FLNC: variants seen among roughly 807,000 people sequenced by gnomAD.
The protein encoded by FLNC is filamin-C.
In FLNC, 91 loss-of-function variants were observed where a neutral mutation model predicts 254.3. The ratio of observed to expected loss-of-function variants is 0.36; its 90% CI spans 0.30 to 0.43. The LOEUF (loss-of-function observed/expected upper bound fraction) is 0.43. FLNC is among the 20% of genes least tolerant of loss of function. The probability of loss-of-function intolerance (pLI) is 1.00; values close to 1 mark genes in which losing one functional copy is unlikely to be tolerated. For missense variants in FLNC, 2,853 were observed against 3,802.6 expected, an observed-to-expected ratio of 0.75 and a Z score of 6.57; for synonymous variants, 1,430 against 1,577.2, an observed-to-expected ratio of 0.91 and a Z score of 2.21.
Position 128,854,089 on chromosome 7 carries a change from G to A in FLNC, c.6600G>A (p.Glu2200=). ...RTEISKTRGG[E]TKREVRVEES... Reference sequence around the variant, plus strand: ...AGATCAGCAAGACGCGGGGCGGGGAGACAAAGCGCGAGGTGCGGGTGGAGG... The same window carrying A: ...AGATCAGCAAGACGCGGGGCGGGGAAACAAAGCGCGAGGTGCGGGTGGAGG... Residue 2200 remains glutamate, a synonymous_variant, in exon 40 of 48, where the codon GAG becomes GAA. Transcript: ENST00000325888. 3 of 1,613,088 alleles carry A rather than the reference G, an allele frequency of 1.9e-6. No homozygotes were observed. Among genetic ancestry groups the A allele is most frequent in the Non-Finnish European group, 1.7e-6 (2 of 1,179,954 alleles).
chr7:128,838,837 T>G (rs771067755), intron 8 of FLNC, 34 bp downstream of exon 8: 70 of 1,597,268 alleles, frequency 4.4e-5, no homozygotes, highest in Admixed American at 2.2e-4. Context: ...ACGGTAGCCC[T>G]TACCAAAGCC....
rs1004445854 is a variant in FLNC at position 128,830,425 on chromosome 7, C to G, written c.-213C>G. 1.9e-5 allele frequency: 11 copies of G among 584,548 alleles called. No homozygotes were observed. The African/African-American group carries it at 2.2e-4, about 11-fold the overall frequency. 36.2% of individuals were successfully genotyped at this position (584,548 alleles called of 1,614,324 possible). On this transcript the variant is annotated 5_prime_UTR_variant, in exon 1 of 48. Transcript: ENST00000325888. ...CAGCCCGCCCTTCCCGAGCACCGCTCCGGCCCTGGAGGGAGAGAGAGCCAG... is the reference window on the plus strand; with the variant it reads ...CAGCCCGCCCTTCCCGAGCACCGCTGCGGCCCTGGAGGGAGAGAGAGCCAG...
At chr7:128,845,809 C>T (rs1354672265) in intron 21 of FLNC, among the ~76,000 whole-genome samples, 181 bp from the exon 22 acceptor site, 2 of 133,946 alleles carry the variant, frequency 1.5e-5, no homozygotes, top group Middle Eastern at 3.8e-3. Flanking sequence ...GGCCCAGGCT[C>T]CGATTAGAGG....
chr7:128,858,057 G>A lies in FLNC; in HGVS notation c.7830G>A (p.Leu2610=). The change falls in exon 47 of 48, where the codon CTG becomes CTA. Residue 2610 remains leucine, a synonymous_variant. Coordinates refer to ENST00000325888, the MANE Select transcript of FLNC (RefSeq NM_001458.5). The surrounding 1 kb of genome is among the most constrained non-coding windows in gnomAD (Gnocchi z 6.7). ...GHSLHETSTV[L]VETVTKSSSS... ...GCCTTCACGAAACATCCACGGTTCTGGTGGAGACTGTGACCAAGTCCTCCT... is the reference window on the plus strand; with the variant it reads ...GCCTTCACGAAACATCCACGGTTCTAGTGGAGACTGTGACCAAGTCCTCCT... The A allele has an allele frequency of 6.2e-7, 1 of 1,608,532 alleles. No homozygotes were observed.
rs374683306 is a variant in FLNC, at chr7:128,848,642, C to T, written c.4662C>T (p.Ile1554=). ...GCCCAGGCCTCAACGCCTCTGGCAT[C>T]CCTGCCAGCCTGCCTGTGGAGTTCA... is the stretch of plus-strand genomic sequence containing the variant. The part of the protein sequence containing the change: ...ASGPGLNASG[I]PASLPVEFTI... The change falls in exon 27 of 48, where the codon ATC becomes ATT. Residue 1554 remains isoleucine (I), a synonymous_variant. Coordinates refer to ENST00000325888, the MANE Select transcript of FLNC (RefSeq NM_001458.5). The T allele has an allele frequency of 1.7e-5, 27 of 1,613,490 alleles. No individual in the cohort carries two copies. Among genetic ancestry groups the T allele is most frequent in the Non-Finnish European group, 2.2e-5 (26 of 1,179,988 alleles).
intron 7 of FLNC, 63 bp downstream of exon 7, chr7:128,838,492 G>C (rs771914549): frequency 1.8e-4 from 285 of 1,598,900 alleles, no homozygotes; most frequent in Non-Finnish European, 2.4e-4. Context: ...GTGTGGGGGT[G>C]GGGGGAGGCT....
At chr7:128,850,727 A>C in intron 32 of FLNC, 76 bp from the exon 33 acceptor site, 2 of 1,603,680 alleles carry the variant, frequency 1.2e-6, no homozygotes, top group Non-Finnish European at 1.7e-6. Flanking sequence ...AGAAGCACTC[A>C]GGACCAGGCC....
At chr7:128,850,151 A>G (rs1457700838) in intron 31 of FLNC, 77 bp downstream of exon 31, 4 of 1,281,222 alleles carry the variant, frequency 3.1e-6, no homozygotes, top group Non-Finnish European at 4.4e-6. Context: ...CTCTGCAGCC[A>G]GGGCGGGGAC....
In FLNC at chr7:128,843,179, C is replaced by T. The variant is rs377548360; in HGVS notation, c.2551-50C>T. On this transcript the variant is annotated intron_variant, in intron 16 of 47. Coordinates refer to ENST00000325888, the MANE Select transcript of FLNC (RefSeq NM_001458.5). ...TCCTGAGCCAGCATCTAGCTGAGAG[C>T]AGGGGTGTGTTCCCCTCGAGAGCCC... The T allele has an allele frequency of 4.0e-6, 6 of 1,502,732 alleles. No individual in the cohort carries two copies. The African/African-American group carries it at 6.9e-5, about 17-fold the overall frequency. 93.1% of individuals were successfully genotyped at this position (1,502,732 alleles called of 1,614,324 possible).
At position 128,844,661 on chromosome 7, in the gene FLNC, TGTGCTTATGGCCCGGGTCTCAAGG is replaced by T; in HGVS notation, c.3200_3223del (p.Ala1067_Gly1074del). The T allele has an allele frequency of 6.2e-7, 1 of 1,611,616 alleles. No individual in the cohort carries two copies. ...CACAACCTGCCTCTTCCCCTAGGTC[TGTGCTTATGGCCCGGGTCTCAAGG>T]GTGGACTGGTAGGCACCCCCGCGCC... On this transcript the variant is annotated inframe_deletion, in exon 21 of 48. Coordinates refer to ENST00000325888, the MANE Select transcript of FLNC (RefSeq NM_001458.5).
rs368473600 is a variant in FLNC, at chr7:128,841,560, A to C, written c.2114A>C (p.Tyr705Ser). Residue 705 changes from tyrosine to serine, a missense_variant, in exon 13 of 48, where the codon TAT becomes TCT. By Grantham distance (144) the Tyr-to-Ser change is moderately radical. Transcript: ENST00000325888. The surrounding 1 kb of genome is among the most constrained non-coding windows in gnomAD (Gnocchi z 4.3). Reference sequence around the variant, plus strand: ...GCTGGCAAGGGAGACCTGAAGCTCTATGCCCAGGTAGGTCATTGTCCAGTC... The same window carrying C: ...GCTGGCAAGGGAGACCTGAAGCTCTCTGCCCAGGTAGGTCATTGTCCAGTC... Reference protein sequence around the residue: ...RAAGKGDLKLYAQDADGCPID... With the variant: ...RAAGKGDLKLSAQDADGCPID... 1.2e-6 allele frequency: 2 copies of C among 1,612,002 alleles called. No homozygotes were observed. The highest frequency in any genetic ancestry group is 1.3e-5 in the African/African-American group (1 of 74,880).
intron 39 of FLNC, 64 bp downstream of exon 39, chr7:128,853,901 C>G (rs201769407): frequency 6.2e-7 from 1 of 1,612,952 alleles, no homozygotes; most frequent in African/African-American, 1.3e-5. Context: ...GGCCAGAGCC[C>G]ACCTGTCGGG....
intron 1 of FLNC, 99 bp downstream of exon 1, chr7:128,831,088 A>G: frequency 9.1e-7 from 1 of 1,102,072 alleles, no homozygotes; most frequent in Non-Finnish European, 1.3e-6. Flanking sequence ...GCTGAGAGAC[A>G]GGGCGGAGGG....
intron 3 of FLNC, 22 bp downstream of exon 3, chr7:128,837,279 G>T (rs768342823): frequency 6.4e-7 from 1 of 1,565,120 alleles, no homozygotes; most frequent in East Asian, 2.4e-5. Context: ...GATGGGGCAG[G>T]GGGGAAAGGG....
At position 128,836,004 on chromosome 7, in the gene FLNC, G is replaced by A. The variant is rs192651815; in HGVS notation, c.601+430G>A. ...ACCAGGACTTGTAGCAAGACCAGGA[G>A]TTAGATCCAGAGAAGGCTCTTCTCT... On this transcript the variant is annotated intron_variant, in intron 2 of 47. Coordinates refer to ENST00000325888, the MANE Select transcript of FLNC (RefSeq NM_001458.5). The surrounding 1 kb of genome is among the most constrained non-coding windows in gnomAD (Gnocchi z 6.0). 1.3e-4 allele frequency among the ~76,000 whole-genome samples: 20 copies of A among 152,330 alleles called. No homozygotes were observed. The East Asian group carries it at 3.1e-3, about 24-fold the overall frequency.
rs182734223 is a variant in FLNC at position 128,848,732 on chromosome 7, A to G, written c.4737+15A>G. 3,244 of 1,613,870 alleles carry G rather than the reference A, an allele frequency of 2.0e-3. 5 individuals are homozygous for G. The highest frequency in any genetic ancestry group is 2.3e-3 in the Non-Finnish European group (2,737 of 1,180,000). On this transcript the variant is annotated intron_variant, in intron 27 of 47. Transcript: ENST00000325888. ...TCCAGATCTTGGTGAGTCTCTGTGC[A>G]TCCCACCCCGCAGGTCATGCTCCAG... is the stretch of plus-strand genomic sequence containing the variant.
rs746019524 is a variant in FLNC, at chr7:128,847,743, G to A, written c.4335G>A (p.Lys1445=). ...TGAAGGATGTGGTGGACCCTGGGAA[G>A]GTGAAGTGCTCAGGGCCAGGGCTGG... is the stretch of plus-strand genomic sequence containing the variant. ...VPVKDVVDPG[K]VKCSGPGLGA... The change falls in exon 25 of 48, where the codon AAG becomes AAA. Residue 1445 remains lysine, a synonymous_variant. Coordinates refer to ENST00000325888, the MANE Select transcript of FLNC (RefSeq NM_001458.5). 2 of 1,614,058 alleles carry A rather than the reference G, an allele frequency of 1.2e-6. No homozygotes were observed. Among genetic ancestry groups the A allele is most frequent in the African/African-American group, 1.3e-5 (1 of 74,938 alleles).
At chr7:128,854,238 G>A (rs763063070) in intron 40 of FLNC, 22 bp downstream of exon 40, 23 of 1,604,924 alleles carry the variant, frequency 1.4e-5, no homozygotes, top group African/African-American at 6.7e-5. Flanking sequence ...ACACTGGGCC[G>A]GCCGGGTCCT....
Position 128,848,196 on chromosome 7 carries a change from G to A in FLNC, c.4580+128G>A, listed in dbSNP as rs552601982. 1.4e-4 allele frequency: 171 copies of A among 1,198,566 alleles called. 1 individual carries two copies. The African/African-American group carries it at 2.0e-3, about 14-fold the overall frequency. 74.2% of individuals were successfully genotyped at this position (1,198,566 alleles called of 1,614,324 possible). ...CCAGCTCTCAGCCTCGTCCAGTCTC[G>A]CCACCCCATCCCGCTCTTCCCCGGG... On this transcript the variant is annotated intron_variant, in intron 26 of 47. Transcript: ENST00000325888.
Sources: allele counts gnomAD v4.1 joint callset (sites outside exome capture counted in the v4.1 genomes callset), GRCh38; gene constraint gnomAD v4.1.1; non-coding constraint Gnocchi (gnomAD v3.1); transcripts MANE v1.5; gene names NCBI Gene and HGNC (gene_info 2026-07-23, HGNC 2026-07-21).